NBEAL1: variants seen among roughly 807,000 people sequenced by gnomAD.
NBEAL1 encodes neurobeachin like 1.
NBEAL1 carries 273 observed loss-of-function variants against 351.3 expected under a neutral mutation model. The observed-to-expected ratio is 0.78, with a 90% CI of 0.70 to 0.86. NBEAL1 has a LOEUF of 0.86. NBEAL1 is among the 40% of genes least tolerant of loss of function. The pLI is 0.00. For synonymous variants in NBEAL1, 1,050 were observed against 1,086.4 expected, an observed-to-expected ratio of 0.97 and a Z score of 0.66; for missense variants, 2,961 against 3,201.3, an observed-to-expected ratio of 0.92 and a Z score of 1.81.
intron 35 of NBEAL1, among the ~76,000 whole-genome samples, chr2:203,152,137 T>C (rs1217729305): frequency 1.3e-5 from 2 of 151,720 alleles, no homozygotes; most frequent in Admixed American, 6.6e-5. Flanking sequence ...TTTGTATTTT[T>C]AGTAGAGATG....
At chr2:203,211,192 TA>T in intron 54 of NBEAL1, 86 bp downstream of exon 54, 1 of 1,034,868 alleles carries the variant, frequency 9.7e-7, no homozygotes, top group Middle Eastern at 2.3e-4. Context: ...CTAAGATTTT[TA>T]ATCTTTTGGT....
At chr2:203,182,706 G>A (rs925255271) in intron 43 of NBEAL1, 4 of 151,956 alleles carry the variant, frequency 2.6e-5, no homozygotes, top group African/African-American at 9.7e-5. Context: ...CTTCTTTTTT[G>A]AAGTTCTTTT....
At chr2:203,053,112 G>A (rs1458072399) in intron 4 of NBEAL1, among the ~76,000 whole-genome samples, 1 of 152,088 alleles carries the variant, frequency 6.6e-6, no homozygotes, top group Non-Finnish European at 1.5e-5. Context: ...TATAATTGCT[G>A]TATCATACGG....
intron 4 of NBEAL1, chr2:203,050,305 T>C (rs1047979327): frequency 1.3e-5 from 2 of 158,474 alleles, no homozygotes; most frequent in African/African-American, 4.8e-5. Context: ...AAAATAATAA[T>C]TAATTTTGTT....
intron 6 of NBEAL1, among the ~76,000 whole-genome samples, chr2:203,066,672 G>A (rs969764257): frequency 4.6e-5 from 7 of 151,686 alleles, no homozygotes; most frequent in South Asian, 4.2e-4. Flanking sequence ...TGGGGCAGCC[G>A]GGCAGAGGCG....
intron 36 of NBEAL1, among the ~76,000 whole-genome samples, chr2:203,158,600 T>C (rs1412376248): frequency 6.6e-6 from 1 of 152,214 alleles, no homozygotes; most frequent in Admixed American, 6.5e-5. Flanking sequence ...AGTTCAGTAA[T>C]ACAGTTTCAT....
intron 47 of NBEAL1, among the ~76,000 whole-genome samples, chr2:203,196,551 C>G (rs2105796910): frequency 6.6e-6 from 1 of 152,248 alleles, no homozygotes; most frequent in South Asian, 2.1e-4. Context: ...AGTCATTCTT[C>G]TCTGGATTAA....
chr2:203,114,720 T>C (rs1192645088), intron 17 of NBEAL1, among the ~76,000 whole-genome samples: 1 of 152,166 alleles, frequency 6.6e-6, no homozygotes, highest in African/African-American at 2.4e-5. Context: ...GACTTTATAT[T>C]AGAACCTTAT....
At chr2:203,051,168 C>T (rs1011216999) in intron 4 of NBEAL1, among the ~76,000 whole-genome samples, 2 of 152,178 alleles carry the variant, frequency 1.3e-5, no homozygotes, top group African/African-American at 2.4e-5. Flanking sequence ...AATTTATGCT[C>T]TCCCAGAGCC....
chr2:203,156,113 T>G (rs1320910851), intron 35 of NBEAL1, among the ~76,000 whole-genome samples: 1 of 152,240 alleles, frequency 6.6e-6, no homozygotes, highest in Non-Finnish European at 1.5e-5. Flanking sequence ...CTCTTGTATC[T>G]GGTATTGTAG....
In NBEAL1 at chr2:203,107,662, C is replaced by G. The variant is rs2062466382; in HGVS notation, c.1423C>G (p.Pro475Ala). Reference sequence around the variant, plus strand: ...GATTTTGGGCATTAGTAATGTCCAACCTCTCTTGCTTCTTATCCAGTGGCT... The same window carrying G: ...GATTTTGGGCATTAGTAATGTCCAAGCTCTCTTGCTTCTTATCCAGTGGCT... The part of the protein sequence containing the change: ...VGILGISNVQ[P>A]LLLLIQWLPE... Residue 475 changes from proline (P) to alanine (A), a missense_variant, in exon 14 of 56, where the codon CCT becomes GCT. Pro to Ala is a conservative substitution (Grantham distance 27). Coordinates refer to ENST00000683969, the MANE Select transcript of NBEAL1 (RefSeq NM_001378026.1). 4 of 1,552,778 alleles carry G rather than the reference C, an allele frequency of 2.6e-6. No individual in the cohort carries two copies. In the East Asian group the frequency reaches 9.7e-5, roughly 38 times the overall value.
At chr2:203,078,676 GA>G (rs1468383360) in intron 8 of NBEAL1, among the ~76,000 whole-genome samples, 1 of 152,120 alleles carries the variant, frequency 6.6e-6, no homozygotes, top group Non-Finnish European at 1.5e-5. Context: ...TCTAGTTGAC[GA>G]AAGGATTATA....
At position 203,138,252 on chromosome 2, in the gene NBEAL1, G is replaced by A; in HGVS notation, c.4656G>A (p.Val1552=). The change falls in exon 30 of 56, where the codon GTG becomes GTA. Residue 1552 remains valine, a synonymous_variant. Transcript: ENST00000683969. ...PVTAENAFRL[V]LIIQDFLQSE... is the part of the protein sequence containing the mutation. ...CTGCTGAAAACGCCTTCCGACTAGT[G>A]CTGATCATACAGGACTTTCTTCAGT... 3 of 1,613,950 alleles carry A rather than the reference G, an allele frequency of 1.9e-6. No individual in the cohort carries two copies. Among genetic ancestry groups the A allele is most frequent in the Non-Finnish European group, 2.5e-6 (3 of 1,179,828 alleles).
chr2:203,064,533 A>G (rs528954418), intron 6 of NBEAL1, among the ~76,000 whole-genome samples: 2 of 152,358 alleles, frequency 1.3e-5, no homozygotes, highest in Admixed American at 6.5e-5. Context: ...TAAGAAGGAC[A>G]CTTCATTGCT....
At chr2:203,058,313 G>A (rs1268325366) in intron 6 of NBEAL1, among the ~76,000 whole-genome samples, 1 of 152,130 alleles carries the variant, frequency 6.6e-6, no homozygotes, top group African/African-American at 2.4e-5. Context: ...TTATAGACAT[G>A]AACCACTGCA....
chr2:203,065,621 G>A lies in NBEAL1; in HGVS notation c.516-2772G>A, dbSNP rs185527314. Among the ~76,000 whole-genome samples the A allele has an allele frequency of 3.2e-3, 494 of 152,104 alleles. 3 individuals carry two copies. The highest frequency in any genetic ancestry group is 0.011 in the African/African-American group (461 of 41,522). ...CAAAAAATTAGCCAGGTGTGGTGGC[G>A]GGCGCCTGTAGTCCCAGCTACTCAG... On this transcript the variant is annotated intron_variant, in intron 6 of 55. Coordinates refer to ENST00000683969, the MANE Select transcript of NBEAL1 (RefSeq NM_001378026.1).
In NBEAL1 at chr2:203,217,620, T is replaced by G. The variant is rs2065911119; in HGVS notation, c.*266T>G. On this transcript the variant is annotated 3_prime_UTR_variant, in exon 56 of 56. Coordinates refer to ENST00000683969, the MANE Select transcript of NBEAL1 (RefSeq NM_001378026.1). ...ACAAACTAAAATGAGAACATTAGGTTCAATTTTCTTATTATTCCAAATGAT... is the reference window on the plus strand; with the variant it reads ...ACAAACTAAAATGAGAACATTAGGTGCAATTTTCTTATTATTCCAAATGAT... 2.9e-6 allele frequency: 3 copies of G among 1,020,190 alleles called. No individual in the cohort carries two copies. Among genetic ancestry groups the G allele is most frequent in the Admixed American group, 5.2e-5 (1 of 19,396 alleles). The allele number at this position is 1,020,190 out of a possible 1,614,324, so 63.2% of individuals were successfully genotyped here.
At chr2:203,065,965 C>A (rs1184805251) in intron 6 of NBEAL1, among the ~76,000 whole-genome samples, 1 of 152,156 alleles carries the variant, frequency 6.6e-6, no homozygotes. Flanking sequence ...ATTTTTAGCT[C>A]TACTAAGTTA....
chr2:203,213,585 T>C lies in NBEAL1; in HGVS notation c.8002T>C (p.Tyr2668His). Residue 2668 changes from tyrosine to histidine, a missense_variant, in exon 55 of 56, where the codon TAC becomes CAC. Transcript: ENST00000683969. ...PIHCVCVTKE[Y>H]SHILVGLEDG... The stretch of plus-strand genomic sequence containing the variant: ...CCATTGTGTTTGTGTCACCAAAGAA[T>C]ACAGCCATATTCTTGTAGGTTTAGA... The C allele has an allele frequency of 6.2e-7, 1 of 1,614,110 alleles. No individual in the cohort carries two copies. The highest frequency in any genetic ancestry group is 8.5e-7 in the Non-Finnish European group (1 of 1,179,960).
Sources: allele counts gnomAD v4.1 joint callset (sites outside exome capture counted in the v4.1 genomes callset), GRCh38; gene constraint gnomAD v4.1.1; transcripts MANE v1.5; gene names NCBI Gene and HGNC (gene_info 2026-07-23, HGNC 2026-07-21).